The following EXOC4 variants were observed in gnomAD, a reference collection of about 807,000 sequenced individuals.
The protein encoded by EXOC4 is SEC8-like 1.
EXOC4 carries 71 observed loss-of-function variants against 107.2 expected under a neutral mutation model. The ratio of observed to expected loss-of-function variants is 0.66; its 90% CI spans 0.55 to 0.81. The LOEUF is 0.81. Among genes scored for constraint, EXOC4 ranks in the 30% least tolerant of loss-of-function variants. The pLI, the probability that EXOC4 is intolerant of heterozygous loss-of-function variation, is 0.00. For missense variants in EXOC4, 1,108 were observed against 1,189.6 expected, an observed-to-expected ratio of 0.93 and a Z score of 1.01; for synonymous variants, 456 against 441.2, an observed-to-expected ratio of 1.03 and a Z score of -0.42.
At chr7:133,713,458 G>C (rs1256230272) in intron 10 of EXOC4, among the ~76,000 whole-genome samples, 1 of 152,142 alleles carries the variant, frequency 6.6e-6, no homozygotes. Context: ...CATTATGTTA[G>C]TCTTGGGGAT....
intron 10 of EXOC4, among the ~76,000 whole-genome samples, chr7:133,639,368 T>C (rs761733441): frequency 9.2e-5 from 14 of 152,160 alleles, no homozygotes; most frequent in Non-Finnish European, 1.6e-4. Flanking sequence ...GTCATAAGTG[T>C]CATTTGAACA....
chr7:133,717,851 T>G (rs961867478), intron 10 of EXOC4, among the ~76,000 whole-genome samples: 2 of 152,198 alleles, frequency 1.3e-5, no homozygotes, highest in African/African-American at 4.8e-5. Flanking sequence ...AAAGATGGTG[T>G]ATATCTCAAA....
At chr7:133,479,135 G>A (rs1384509938) in intron 8 of EXOC4, 3 of 152,144 alleles carry the variant, frequency 2.0e-5, no homozygotes, top group Non-Finnish European at 4.4e-5. Flanking sequence ...ATTCTTAGAA[G>A]GATTCCTCCA....
At chr7:133,617,291 G>A (rs973548634) in intron 9 of EXOC4, among the ~76,000 whole-genome samples, 6 of 152,236 alleles carry the variant, frequency 3.9e-5, no homozygotes, top group South Asian at 2.1e-4. Flanking sequence ...ACTTGCACTG[G>A]AAAAACTGAG....
intron 7 of EXOC4, among the ~76,000 whole-genome samples, chr7:133,407,772 G>A (rs1168460340): frequency 6.6e-6 from 1 of 152,096 alleles, no homozygotes; most frequent in African/African-American, 2.4e-5. Context: ...TTAAAATCAA[G>A]CTGGAATAAG....
chr7:133,445,342 AACCT>A (rs1461136103), intron 7 of EXOC4, among the ~76,000 whole-genome samples: 2 of 152,180 alleles, frequency 1.3e-5, no homozygotes, highest in Non-Finnish European at 2.9e-5. Context: ...GAGGTTCCAA[AACCT>A]GTGTGAGGTA....
At chr7:133,617,674 TATC>T (rs1192708446) in intron 9 of EXOC4, among the ~76,000 whole-genome samples, 1 of 152,060 alleles carries the variant, frequency 6.6e-6, no homozygotes, top group East Asian at 1.9e-4. Context: ...CATCTAAAAA[TATC>T]ATCTCTTTCC....
At chr7:133,544,255 C>T (rs1020692726) in intron 9 of EXOC4, among the ~76,000 whole-genome samples, 3 of 151,892 alleles carry the variant, frequency 2.0e-5, no homozygotes, top group African/African-American at 4.8e-5. Flanking sequence ...AAATAAAGTT[C>T]CAAATCTTGA....
At chr7:134,072,328 A>C in the EXOC4 span, among the ~76,000 whole-genome samples, 2 of 152,138 alleles carry the variant, frequency 1.3e-5, no homozygotes, top group Non-Finnish European at 2.9e-5. Context: ...GTTATACATG[A>C]AAAAAAATGA....
chr7:133,953,280 T>A (rs774113048), intron 14 of EXOC4, among the ~76,000 whole-genome samples: 3 of 152,046 alleles, frequency 2.0e-5, no homozygotes, highest in Non-Finnish European at 2.9e-5. Context: ...TCTTAGCACC[T>A]CTTGAAATAG....
chr7:133,344,324 A>C (rs2150632128), intron 5 of EXOC4, among the ~76,000 whole-genome samples: 1 of 152,156 alleles, frequency 6.6e-6, no homozygotes, highest in African/African-American at 2.4e-5. Context: ...TGTTGAAGGG[A>C]ATTTACCTCT....
chr7:133,286,705 G>T (rs1021724008), intron 2 of EXOC4, among the ~76,000 whole-genome samples: 3 of 152,170 alleles, frequency 2.0e-5, no homozygotes, highest in South Asian at 2.1e-4. Context: ...TCTTGTGTTG[G>T]GGTGAAAAGT....
chr7:133,901,960 A>G lies in EXOC4; in HGVS notation c.1871+6225A>G, dbSNP rs376635924. On this transcript the variant is annotated intron_variant, in intron 12 of 17. Transcript: ENST00000253861. ...TCTCTTCTTGGGCAGCTTTCAAATT[A>G]CCTTTGGAAACAAGATCAAGATAAC... 7.2e-5 allele frequency among the ~76,000 whole-genome samples: 11 copies of G among 152,254 alleles called. No homozygotes were observed. In the East Asian group the frequency reaches 1.7e-3, roughly 24 times the overall value.
intron 7 of EXOC4, among the ~76,000 whole-genome samples, chr7:133,464,348 C>A (rs1011339412): frequency 2.0e-5 from 3 of 152,148 alleles, no homozygotes; most frequent in African/African-American, 7.2e-5. Context: ...GGTCACATAA[C>A]TAGTAAGTAG....
intron 10 of EXOC4, among the ~76,000 whole-genome samples, chr7:133,651,779 G>T (rs536270762): frequency 6.6e-6 from 1 of 152,254 alleles, no homozygotes; most frequent in African/African-American, 2.4e-5. Flanking sequence ...CTGCCTCCCA[G>T]GTTCAAGGGA....
intron 9 of EXOC4, among the ~76,000 whole-genome samples, chr7:133,547,479 A>G (rs140807472): frequency 1.2e-3 from 188 of 151,838 alleles, no homozygotes; most frequent in African/African-American, 4.4e-3. Flanking sequence ...CTATGGATTG[A>G]CTCTTCCTCT....
At chr7:133,643,935 G>C (rs1255888377) in intron 10 of EXOC4, among the ~76,000 whole-genome samples, 1 of 152,158 alleles carries the variant, frequency 6.6e-6, no homozygotes, top group Non-Finnish European at 1.5e-5. Flanking sequence ...CAGTTACCGT[G>C]GTAAAAGGCC....
intron 17 of EXOC4, among the ~76,000 whole-genome samples, chr7:134,008,131 A>G (rs1794686682): frequency 1.3e-5 from 2 of 152,300 alleles, no homozygotes; most frequent in South Asian, 4.1e-4. Context: ...CATAAAATAT[A>G]TAAGATAAGA....
At chr7:133,975,968 G>T (rs1013493661) in intron 14 of EXOC4, among the ~76,000 whole-genome samples, 2 of 152,094 alleles carry the variant, frequency 1.3e-5, no homozygotes, top group African/African-American at 4.8e-5. Flanking sequence ...GTAGCATTCA[G>T]AGAACTCTCT....
Sources: gnomAD v4.1 joint callset for allele counts (sites outside exome capture counted in the v4.1 genomes callset) on GRCh38, gnomAD v4.1.1 for gene constraint, MANE v1.5 for transcripts, NCBI Gene and HGNC (gene_info 2026-07-23, HGNC 2026-07-21) for gene names.